The following MAF variants were observed in gnomAD, a reference collection of about 807,000 sequenced individuals.
MAF encodes MAF bZIP transcription factor, also known as transcription factor Maf.
In MAF, 10 loss-of-function variants were observed where a neutral mutation model predicts 22.0. The ratio of observed to expected loss-of-function variants is 0.45; its 90% CI spans 0.28 to 0.77. The LOEUF (loss-of-function observed/expected upper bound fraction) is 0.77, where lower values mean the gene tolerates loss of function less well. Ranked by LOEUF, MAF falls within the 30% of genes least tolerant of loss-of-function variation. MAF has a pLI of 0.12. For synonymous variants in MAF, 337 were observed against 255.8 expected, an observed-to-expected ratio of 1.32 and a Z score of -3.03; for missense variants, 544 against 548.4, an observed-to-expected ratio of 0.99 and a Z score of 0.08.
the MAF span, among the ~76,000 whole-genome samples, chr16:79,488,934 T>G: frequency 6.6e-6 from 1 of 152,294 alleles, no homozygotes; most frequent in East Asian, 1.9e-4. Context: ...CATCTCTCCT[T>G]CCAGACTTTT....
the MAF span, among the ~76,000 whole-genome samples, chr16:79,234,223 C>T: frequency 6.6e-6 from 1 of 152,026 alleles, no homozygotes; most frequent in Non-Finnish European, 1.5e-5. Context: ...GTGACACTTA[C>T]TTGTAAGCCA....
the MAF span, among the ~76,000 whole-genome samples, chr16:79,370,852 G>A: frequency 1.3e-5 from 2 of 151,982 alleles, no homozygotes; most frequent in African/African-American, 2.4e-5. Context: ...GTGTAGTGGT[G>A]TGGTTGTCTT....
chr16:79,327,000 G>A, the MAF span, among the ~76,000 whole-genome samples: 2 of 152,204 alleles, frequency 1.3e-5, no homozygotes, highest in South Asian at 4.1e-4. Flanking sequence ...TAACGTCCTA[G>A]CAGCTGTGGG....
chr16:79,269,510 C>T, the MAF span, among the ~76,000 whole-genome samples: 1 of 151,936 alleles, frequency 6.6e-6, no homozygotes, highest in Admixed American at 6.6e-5. Context: ...GAGCCAACAC[C>T]CCTGTCTTGT....
the MAF span, among the ~76,000 whole-genome samples, chr16:79,568,268 C>T: frequency 0.1 from 15,288 of 152,200 alleles, 829 homozygotes; most frequent in Non-Finnish European, 0.11. Context: ...CTGTGGATGG[C>T]CCCTAATGGT....
chr16:79,413,217 T>G, the MAF span, among the ~76,000 whole-genome samples: 608 of 13,700 alleles, frequency 0.044, 1 homozygote, highest in African/African-American at 0.16. Context: ...GCAGTTTTTT[T>G]TTTTTTTTTT....
chr16:79,330,957 G>C, the MAF span, among the ~76,000 whole-genome samples: 1 of 152,136 alleles, frequency 6.6e-6, no homozygotes, highest in African/African-American at 2.4e-5. Flanking sequence ...CGGACATGAA[G>C]GCCAACCCTG....
downstream of MAF, among the ~76,000 whole-genome samples, chr16:79,582,882 G>A (rs550317777): frequency 3.0e-4 from 46 of 152,262 alleles, no homozygotes; most frequent in Non-Finnish European, 5.4e-4. Flanking sequence ...AGAAGCCCTG[G>A]GGGGCCTTCA....
At chr16:79,506,526 G>A in the MAF span, among the ~76,000 whole-genome samples, 1 of 152,252 alleles carries the variant, frequency 6.6e-6, no homozygotes. Flanking sequence ...ATAGCAGAGA[G>A]AATGTGGGGA....
chr16:79,373,712 A>C, the MAF span, among the ~76,000 whole-genome samples: 6 of 152,140 alleles, frequency 3.9e-5, 1 homozygote, highest in African/African-American at 1.4e-4. Context: ...AGAGACTTGA[A>C]CTAGCACATT....
At chr16:79,516,398 A>C in the MAF span, 1 of 151,802 alleles carries the variant, frequency 6.6e-6, no homozygotes, top group Admixed American at 6.6e-5. Context: ...GCTATGATAA[A>C]TGATTTACAA....
At chr16:79,279,830 C>G in the MAF span, among the ~76,000 whole-genome samples, 2 of 152,054 alleles carry the variant, frequency 1.3e-5, no homozygotes, top group Non-Finnish European at 1.5e-5. Context: ...AAATAACTCT[C>G]CCAGAGCTTT....
chr16:79,230,122 G>A, the MAF span, among the ~76,000 whole-genome samples: 1 of 152,140 alleles, frequency 6.6e-6, no homozygotes, highest in Non-Finnish European at 1.5e-5. Flanking sequence ...CATGCTGAGT[G>A]ACTCTGTAGG....
At chr16:79,293,820 A>G in the MAF span, among the ~76,000 whole-genome samples, 1 of 149,474 alleles carries the variant, frequency 6.7e-6, no homozygotes, top group Non-Finnish European at 1.5e-5. Flanking sequence ...ATAATTTCTC[A>G]CTGGCTTCTA....
chr16:79,547,884 G>C, the MAF span, among the ~76,000 whole-genome samples: 12 of 145,466 alleles, frequency 8.2e-5, no homozygotes, highest in Non-Finnish European at 1.7e-4. Flanking sequence ...GTGTGTGCGT[G>C]TGTGTGTGTG....
the MAF span, among the ~76,000 whole-genome samples, chr16:79,445,637 T>G: frequency 1.3e-5 from 2 of 152,218 alleles, no homozygotes; most frequent in African/African-American, 2.4e-5. Context: ...GCTGAATATC[T>G]TCCATGGAGT....
At chr16:79,287,577 C>T in the MAF span, among the ~76,000 whole-genome samples, 1 of 152,178 alleles carries the variant, frequency 6.6e-6, no homozygotes, top group African/African-American at 2.4e-5. Flanking sequence ...CTACGCAGGC[C>T]GGAAATCAGA....
At chr16:79,533,238 G>A in the MAF span, among the ~76,000 whole-genome samples, 249 of 152,234 alleles carry the variant, frequency 1.6e-3, 2 homozygotes, top group African/African-American at 5.7e-3. Flanking sequence ...ATTTTTTAAA[G>A]GGGGCAGAGG....
the MAF span, among the ~76,000 whole-genome samples, chr16:79,307,270 T>C: frequency 6.6e-6 from 1 of 152,194 alleles, no homozygotes; most frequent in Non-Finnish European, 1.5e-5. Flanking sequence ...CATGAACTCG[T>C]AGCCCTAGGA....
Sources: allele counts gnomAD v4.1 joint callset (sites outside exome capture counted in the v4.1 genomes callset), GRCh38; gene constraint gnomAD v4.1.1; transcripts MANE v1.5; gene names NCBI Gene and HGNC (gene_info 2026-07-23, HGNC 2026-07-21).